Variants in ST18 observed in about 807,000 individuals in gnomAD.
ST18 encodes the protein ST18 C2H2C-type zinc finger transcription factor.
ST18 carries 50 observed loss-of-function variants against 110.0 expected under a neutral mutation model. That is an observed-to-expected ratio of 0.45 (90% CI 0.36 to 0.58). The LOEUF (loss-of-function observed/expected upper bound fraction) is 0.58. ST18 is among the 20% of genes least tolerant of loss of function. ST18 has a pLI of 0.00. For missense variants in ST18, 1,306 were observed against 1,280.1 expected (o/e 1.02, Z -0.31); for synonymous variants, 461 against 452.4 (o/e 1.02, Z -0.24).
At chr8:52,242,654 C>T (rs903011809) in intron 2 of ST18, among the ~76,000 whole-genome samples, 5 of 152,054 alleles carry the variant, frequency 3.3e-5, no homozygotes, top group Non-Finnish European at 5.9e-5. Context: ...GCCTGCCTGG[C>T]CAACATGGCG....
intron 2 of ST18, among the ~76,000 whole-genome samples, chr8:52,282,444 T>C (rs991201851): frequency 1.6e-4 from 25 of 152,282 alleles, no homozygotes; most frequent in Non-Finnish European, 3.2e-4. Context: ...GATGGGTGGC[T>C]GACTACTGTG....
chr8:52,299,511 T>C (rs2095684197), intron 2 of ST18, among the ~76,000 whole-genome samples: 1 of 152,392 alleles, frequency 6.6e-6, no homozygotes, highest in South Asian at 2.1e-4. Context: ...ACTTATTTTC[T>C]ACTCTAAATT....
intron 2 of ST18, among the ~76,000 whole-genome samples, chr8:52,387,099 C>G (rs1837089383): frequency 6.6e-6 from 1 of 151,958 alleles, no homozygotes; most frequent in African/African-American, 2.4e-5. Flanking sequence ...TTTCCTCTTT[C>G]TCTCTCTTAG....
At chr8:52,130,123 GA>G (rs1277881014) in intron 22 of ST18, among the ~76,000 whole-genome samples, 9 of 91,008 alleles carry the variant, frequency 9.9e-5, no homozygotes, top group African/African-American at 3.4e-4. Flanking sequence ...AGAAAGAAAA[GA>G]AAGAAAGAAA....
intron 2 of ST18, among the ~76,000 whole-genome samples, chr8:52,293,642 T>C (rs1176243458): frequency 6.6e-6 from 1 of 152,194 alleles, no homozygotes; most frequent in Non-Finnish European, 1.5e-5. Context: ...AATTTTTTTA[T>C]GTTTTTGTTA....
chr8:52,221,089 A>ATCTATCTG (rs1213627584), intron 4 of ST18, among the ~76,000 whole-genome samples: 1 of 4,424 alleles, frequency 2.3e-4, no homozygotes, highest in Non-Finnish European at 5.9e-4. Context: ...ACCTATCTCT[A>ATCTATCTG]TCTATCTATC....
chr8:52,273,338 T>C (rs2095137104), intron 2 of ST18, among the ~76,000 whole-genome samples: 1 of 152,200 alleles, frequency 6.6e-6, no homozygotes, highest in African/African-American at 2.4e-5. Flanking sequence ...AAGAAAGAAC[T>C]ATCTGGAGAA....
intron 5 of ST18, among the ~76,000 whole-genome samples, chr8:52,218,951 C>T (rs1232330529): frequency 6.6e-6 from 1 of 152,016 alleles, no homozygotes; most frequent in Non-Finnish European, 1.5e-5. Flanking sequence ...ACAGTGGATG[C>T]TTCCTTTTCA....
In ST18 at chr8:52,203,325, G is replaced by A. The variant is rs564577562; in HGVS notation, c.86+8754C>T. Among the ~76,000 whole-genome samples, 3 of 152,246 alleles carry A rather than the reference G, an allele frequency of 2.0e-5. No individual in the cohort carries two copies. In the East Asian group the frequency reaches 5.8e-4, roughly 29 times the overall value. ...ATCAGGGAAACAGCCCCGGAACACA[G>A]GGCTGCTATTAACCCAGTGTTCTTT... On this transcript the variant is annotated intron_variant, in intron 8 of 25. Transcript: ENST00000689386.
intron 2 of ST18, among the ~76,000 whole-genome samples, chr8:52,372,967 G>A (rs1363115844): frequency 6.6e-6 from 1 of 152,150 alleles, no homozygotes; most frequent in Non-Finnish European, 1.5e-5. Flanking sequence ...TTAAAACACC[G>A]TGAAAAGTTT....
chr8:52,263,772 A>G, intron 2 of ST18, among the ~76,000 whole-genome samples: 4 of 121,908 alleles, frequency 3.3e-5, no homozygotes, highest in African/African-American at 6.7e-5. Flanking sequence ...TTTGAGACAG[A>G]GTCTTGCTCT....
chr8:52,166,923 T>C lies in ST18; in HGVS notation c.1133A>G (p.His378Arg). 1 of 1,612,816 alleles carries C rather than the reference T, an allele frequency of 6.2e-7. No individual in the cohort carries two copies. Among genetic ancestry groups the C allele is most frequent in the East Asian group, 2.2e-5 (1 of 44,828 alleles). Residue 378 changes from histidine to arginine, a missense_variant, in exon 11 of 26, where the codon CAC becomes CGC. His to Arg is a conservative substitution (Grantham distance 29, BLOSUM62 0). Transcript: ENST00000689386. ...CPIPGCDGTG[H>R]VTGLYPHHRS... ...GTGGTGCGGGTAGAGCCCTGTCACG[T>C]GTCCCGTGCCATCACATCCAGGGAT...
At chr8:52,387,686 G>C (rs1837381683) in intron 2 of ST18, among the ~76,000 whole-genome samples, 3 of 152,058 alleles carry the variant, frequency 2.0e-5, no homozygotes, top group Admixed American at 2.0e-4. Context: ...GTCACAAAAA[G>C]TGTACGTTCA....
At chr8:52,394,121 A>C (rs992380731) in intron 2 of ST18, among the ~76,000 whole-genome samples, 3 of 152,096 alleles carry the variant, frequency 2.0e-5, no homozygotes, top group African/African-American at 7.2e-5. Context: ...TCACACAGGC[A>C]CCATTCCCAT....
chr8:52,405,398 C>A (rs1309230830), intron 2 of ST18: 1 of 152,206 alleles, frequency 6.6e-6, no homozygotes, highest in Non-Finnish European at 1.5e-5. Context: ...ACAACCACAG[C>A]ATCCTTTTTA....
In ST18 at chr8:52,240,770, T is replaced by A. The variant is rs190819122; in HGVS notation, c.-464-10693A>T. 7.8e-3 allele frequency among the ~76,000 whole-genome samples: 1,184 copies of A among 152,324 alleles called. 13 individuals are homozygous for A. Among genetic ancestry groups the A allele is most frequent in the Non-Finnish European group, 0.011 (724 of 68,034 alleles). On this transcript the variant is annotated intron_variant, in intron 2 of 25. Coordinates refer to ENST00000689386, the MANE Select transcript of ST18 (RefSeq NM_001352837.2). The stretch of plus-strand genomic sequence containing the variant: ...GCCTGCTATCTGGCACATCTAATGG[T>A]GCAGGATTTTCAGAGCAACTCACAT...
intron 19 of ST18, 128 bp downstream of exon 19, chr8:52,136,462 C>T: frequency 3.4e-6 from 3 of 870,822 alleles, no homozygotes; most frequent in South Asian, 1.7e-5. Context: ...TCAGAAAGTG[C>T]CTTTGCTGTG....
At position 52,157,677 on chromosome 8, in the gene ST18, C is replaced by T. The variant is rs184844248; in HGVS notation, c.1806+1221G>A. Among the ~76,000 whole-genome samples, 9 of 152,312 alleles carry T rather than the reference C, an allele frequency of 5.9e-5. 1 individual carries two copies. The highest frequency in any genetic ancestry group is 5.2e-4 in the Admixed American group (8 of 15,304). ...TGTATTTCTCTTTGTTTAAGAACCT[C>T]ATTTGTTTAAAAATTGTTTTTGAGT... On this transcript the variant is annotated intron_variant, in intron 15 of 25. Transcript: ENST00000689386.
At chr8:52,379,486 A>G (rs1833717823) in intron 2 of ST18, among the ~76,000 whole-genome samples, 1 of 152,142 alleles carries the variant, frequency 6.6e-6, no homozygotes, top group African/African-American at 2.4e-5. Flanking sequence ...TGAACAACAC[A>G]GTTTGAACTC....
Sources: allele counts gnomAD v4.1 joint callset (sites outside exome capture counted in the v4.1 genomes callset), GRCh38; gene constraint gnomAD v4.1.1; transcripts MANE v1.5; gene names NCBI Gene and HGNC (gene_info 2026-07-23, HGNC 2026-07-21).